AKAP9: variants seen among roughly 807,000 people sequenced by gnomAD.
The protein encoded by AKAP9 is A-kinase anchor protein 9.
AKAP9 carries 311 observed loss-of-function variants against 488.5 expected under a neutral mutation model. The observed-to-expected ratio is 0.64, with a 90% CI of 0.58 to 0.70. AKAP9 has a LOEUF of 0.70. Ranked by LOEUF, AKAP9 falls within the 30% of genes least tolerant of loss-of-function variation. The probability of loss-of-function intolerance (pLI) is 0.00; values close to 1 mark genes in which losing one functional copy is unlikely to be tolerated. For missense variants in AKAP9, 4,215 were observed against 4,374.5 expected (o/e 0.96, Z 1.03); for synonymous variants, 1,462 against 1,483.5 (o/e 0.99, Z 0.33).
chr7:92,055,801 C>T (rs1209385365), intron 22 of AKAP9, among the ~76,000 whole-genome samples: 1 of 151,998 alleles, frequency 6.6e-6, no homozygotes. Flanking sequence ...AATATATCAT[C>T]AGTTAATATT....
chr7:92,018,024 C>G (rs1459636513), intron 12 of AKAP9, among the ~76,000 whole-genome samples: 1 of 152,076 alleles, frequency 6.6e-6, no homozygotes, highest in Non-Finnish European at 1.5e-5. Context: ...TCAGTAATCA[C>G]AAATGTAAAT....
chr7:92,026,017 T>C (rs754271364), intron 14 of AKAP9, among the ~76,000 whole-genome samples: 1 of 152,192 alleles, frequency 6.6e-6, no homozygotes, highest in Non-Finnish European at 1.5e-5. Context: ...TACTGCCTAT[T>C]AGAGTAATAA....
At chr7:92,030,065 C>A in intron 15 of AKAP9, 74 bp downstream of exon 15, 1 of 1,043,862 alleles carries the variant, frequency 9.6e-7, no homozygotes. Flanking sequence ...GTCTGGTTTA[C>A]TATCTAATAA....
Position 91,973,260 on chromosome 7 carries a change from T to C in AKAP9, c.49-451T>C, listed in dbSNP as rs2130561022. Among the ~76,000 whole-genome samples the C allele has an allele frequency of 2.0e-5, 3 of 152,244 alleles. 1 individual carries two copies. In the Middle Eastern group the frequency reaches 0.01, roughly 518 times the overall value. On this transcript the variant is annotated intron_variant, in intron 1 of 49. Coordinates refer to ENST00000356239, the MANE Select transcript of AKAP9 (RefSeq NM_005751.5). Reference sequence around the variant, plus strand: ...AGCCAGGTGTGATGACATGTTCCTGTAGTCCCAGCTACTTGGGGGCTGAAG... The same window carrying C: ...AGCCAGGTGTGATGACATGTTCCTGCAGTCCCAGCTACTTGGGGGCTGAAG...
At chr7:92,099,948 C>A (rs1817245416) in intron 44 of AKAP9, 79 bp downstream of exon 44, 2 of 1,405,830 alleles carry the variant, frequency 1.4e-6, no homozygotes, top group Admixed American at 1.7e-5. Flanking sequence ...AAGTTTTAAT[C>A]CTGTTAATGT....
At position 92,043,731 on chromosome 7, in the gene AKAP9, G is replaced by A. The variant is rs142845938; in HGVS notation, c.5162+960G>A. 5.1e-4 allele frequency among the ~76,000 whole-genome samples: 77 copies of A among 152,114 alleles called. No homozygotes were observed. The East Asian group carries it at 5.4e-3, about 11-fold the overall frequency. Reference sequence around the variant, plus strand: ...TTGATCTAGGTGCAAAAATAGAACCGTCTCTTTCACTTGACAAATACTAAC... The same window carrying A: ...TTGATCTAGGTGCAAAAATAGAACCATCTCTTTCACTTGACAAATACTAAC... On this transcript the variant is annotated intron_variant, in intron 20 of 49. Coordinates refer to ENST00000356239, the MANE Select transcript of AKAP9 (RefSeq NM_005751.5).
intron 12 of AKAP9, 78 bp downstream of exon 12, chr7:92,017,180 C>T (rs966585950): frequency 4.6e-6 from 5 of 1,087,574 alleles, no homozygotes; most frequent in African/African-American, 1.6e-5. Flanking sequence ...TTTTATCAAC[C>T]AAGAATTTCT....
In AKAP9 at chr7:92,001,367, A is replaced by G; in HGVS notation, c.1450A>G (p.Asn484Asp). 1 of 1,613,808 alleles carries G rather than the reference A, an allele frequency of 6.2e-7. No homozygotes were observed. The change falls in exon 8 of 50, where the codon AAT (asparagine) becomes GAT (aspartate). Residue 484 changes from asparagine to aspartate, a missense_variant. Around this residue, in one of 5 missense-constraint regions of AKAP9, gnomAD observed 2,361 missense variants for 2,430.0 expected, o/e 0.97. Coordinates refer to ENST00000356239, the MANE Select transcript of AKAP9 (RefSeq NM_005751.5). ...AAGGTCATATTCAAATATTACAGTT[A>G]ATGAAGATCAGATAAAGTTAATGAA... ...ALRSYSNITVNEDQIKLMNVA... is the reference protein window; with the variant it reads ...ALRSYSNITVDEDQIKLMNVA...
intron 47 of AKAP9, among the ~76,000 whole-genome samples, chr7:92,106,410 G>A (rs1417221412): frequency 8.0e-6 from 1 of 125,562 alleles, no homozygotes; most frequent in Non-Finnish European, 1.7e-5. Context: ...ATTTGCCCCA[G>A]AATGGCCAGT....
intron 13 of AKAP9, 41 bp downstream of exon 13, chr7:92,022,393 C>A: frequency 1.5e-6 from 2 of 1,375,770 alleles, no homozygotes; most frequent in African/African-American, 1.4e-5. Context: ...GTTTTTATAG[C>A]AAATATTGAG....
At chr7:92,092,805 C>G (rs1815859778) in intron 38 of AKAP9, 1 of 330,356 alleles carries the variant, frequency 3.0e-6, no homozygotes, top group African/African-American at 2.1e-5. Context: ...TGCCAGCACG[C>G]CCAGCTAATT....
intron 1 of AKAP9, among the ~76,000 whole-genome samples, chr7:91,961,938 C>T (rs988218590): frequency 2.6e-5 from 4 of 151,988 alleles, no homozygotes; most frequent in African/African-American, 4.8e-5. Context: ...GCTTGAGATC[C>T]GAACCAGTTT....
At position 92,110,107 on chromosome 7, in the gene AKAP9, G is replaced by T; in HGVS notation, c.11687-15G>T. On this transcript the variant is annotated splice_polypyrimidine_tract_variant and intron_variant, in intron 49 of 49. Transcript: ENST00000356239. ...TAATTTGAAATCAGTTGAATTTCCT[G>T]TTTTTCTCTCATAGGTTCAACTACT... The T allele has an allele frequency of 6.3e-7, 1 of 1,593,568 alleles. No homozygotes were observed. The highest frequency in any genetic ancestry group is 8.6e-7 in the Non-Finnish European group (1 of 1,165,472).
intron 1 of AKAP9, among the ~76,000 whole-genome samples, chr7:91,963,561 A>AGGCTAGAGTGCAGT: frequency 6.6e-6 from 1 of 150,496 alleles, no homozygotes; most frequent in Non-Finnish European, 1.5e-5. Context: ...TCTGTCGCCC[A>AGGCTAGAGTGCAGT]GGCTAGAGTG....
Position 92,042,718 on chromosome 7 carries a change from G to A in AKAP9, c.5109G>A (p.Lys1703=). 1 of 1,611,998 alleles carries A rather than the reference G, an allele frequency of 6.2e-7. No individual in the cohort carries two copies. Among genetic ancestry groups the A allele is most frequent in the South Asian group, 1.1e-5 (1 of 91,016 alleles). The change falls in exon 20 of 50, where the codon AAG becomes AAA. Residue 1703 remains lysine, a synonymous_variant. Transcript: ENST00000356239. ...GEVEEQTFKE[K]ELDRKPEDVP... Reference sequence around the variant, plus strand: ...TTGAAGAACAAACATTTAAAGAAAAGGAATTAGACAGAAAACCTGAAGATG... The same window carrying A: ...TTGAAGAACAAACATTTAAAGAAAAAGAATTAGACAGAAAACCTGAAGATG...
At chr7:91,978,235 C>G (rs1467574165) in intron 2 of AKAP9, among the ~76,000 whole-genome samples, 1 of 116,556 alleles carries the variant, frequency 8.6e-6, no homozygotes, top group Non-Finnish European at 1.7e-5. Context: ...GAGTGAGACT[C>G]TGTCTCAAAA....
At chr7:91,996,521 C>G (rs1034422156) in intron 7 of AKAP9, among the ~76,000 whole-genome samples, 2 of 152,124 alleles carry the variant, frequency 1.3e-5, no homozygotes, top group African/African-American at 4.8e-5. Flanking sequence ...TCCTCTCCAT[C>G]CCTCTGGTCC....
intron 28 of AKAP9, 106 bp downstream of exon 28, chr7:92,071,115 G>A: frequency 9.4e-7 from 1 of 1,067,548 alleles, no homozygotes; most frequent in Non-Finnish European, 1.4e-6. Context: ...TAAAACCAAA[G>A]TTGAGGCTGT....
chr7:92,038,893 T>C, intron 17 of AKAP9, 121 bp downstream of exon 17: 4 of 741,264 alleles, frequency 5.4e-6, no homozygotes, highest in Middle Eastern at 3.9e-4. Context: ...TTCAGTCTTA[T>C]GACTCACGTT....
Sources: gnomAD v4.1 joint callset for allele counts (sites outside exome capture counted in the v4.1 genomes callset) on GRCh38, gnomAD v4.1.1 for gene constraint, gnomAD v4.1.1 regional missense constraint, MANE v1.5 for transcripts, NCBI Gene and HGNC (gene_info 2026-07-23, HGNC 2026-07-21) for gene names.